Variants in NPRL3 observed in about 807,000 individuals in gnomAD.
NPRL3 encodes GATOR1 complex protein NPRL3.
NPRL3 carries 23 observed loss-of-function variants against 57.2 expected under a neutral mutation model. The ratio of observed to expected loss-of-function variants is 0.40; its 90% CI spans 0.29 to 0.57. The LOEUF is 0.57. NPRL3 is among the 20% of genes least tolerant of loss of function. The pLI is 0.42. For missense variants in NPRL3, 691 were observed against 767.1 expected (o/e 0.90, Z 1.17); for synonymous variants, 333 against 321.1 (o/e 1.04, Z -0.39).
chr16:130,973 A>T (rs1367544150), intron 2 of NPRL3, among the ~76,000 whole-genome samples: 1 of 152,238 alleles, frequency 6.6e-6, no homozygotes, highest in African/African-American at 2.4e-5. Flanking sequence ...TGCACACTAT[A>T]ATGAATGTAA....
At chr16:90,360 T>G (rs532931045) in intron 11 of NPRL3, 1 of 161,694 alleles carries the variant, frequency 6.2e-6, no homozygotes, top group Non-Finnish European at 1.3e-5. Context: ...TGTGGGCAGG[T>G]ACCCTGAGAG....
In NPRL3 at chr16:92,593, C is replaced by A; in HGVS notation, c.1161+3G>T. ...CTGGGCTCCTTGAGCTTCTGTGACT[C>A]ACCTCCTGCACAGCGGGGGCCAGGG... On this transcript the variant is annotated splice_donor_region_variant and intron_variant, in intron 11 of 13. Transcript: ENST00000611875. 6.2e-7 allele frequency: 1 copy of A among 1,612,830 alleles called. No homozygotes were observed. Among genetic ancestry groups the A allele is most frequent in the South Asian group, 1.1e-5 (1 of 90,822 alleles).
rs1043829839 is a variant in NPRL3 at position 130,402 on chromosome 16, G to C, written c.188+120C>G. ...CACTACCTGAGAGCACCCACTAAAC[G>C]GAAAAAAACAAACACCAGACTTCTC... is the stretch of plus-strand genomic sequence containing the variant. On this transcript the variant is annotated intron_variant, in intron 3 of 13. Transcript: ENST00000611875. 77 of 993,928 alleles carry C rather than the reference G, an allele frequency of 7.7e-5. No individual in the cohort carries two copies. In the African/African-American group the frequency reaches 1.1e-3, roughly 14 times the overall value. 61.6% of individuals were successfully genotyped at this position (993,928 alleles called of 1,614,324 possible).
intron 12 of NPRL3, 109 bp from the exon 13 acceptor site, chr16:88,999 G>T: frequency 1.0e-6 from 1 of 980,274 alleles, no homozygotes; most frequent in Non-Finnish European, 1.5e-6. Flanking sequence ...ACTCCTACAA[G>T]GGTTAGGGTA....
chr16:125,152 T>A (rs1360834186), intron 3 of NPRL3: 1 of 154,806 alleles, frequency 6.5e-6, no homozygotes, highest in Non-Finnish European at 1.5e-5. Context: ...TTTCCATGTA[T>A]TCTGGAAAGA....
intron 3 of NPRL3, among the ~76,000 whole-genome samples, chr16:119,593 G>A (rs748141374): frequency 2.0e-5 from 3 of 152,220 alleles, no homozygotes; most frequent in Non-Finnish European, 4.4e-5. Context: ...CTGCGGAGCT[G>A]CTCTTTAAAG....
intron 2 of NPRL3, among the ~76,000 whole-genome samples, chr16:137,297 A>C (rs1901142312): frequency 6.6e-6 from 1 of 152,232 alleles, no homozygotes; most frequent in African/African-American, 2.4e-5. Flanking sequence ...TGCCGTCCAC[A>C]GGGGAAGGCA....
At chr16:103,296 A>ATTTTTTCTTTTTTTTTTTTTTTT (rs1899381750) in intron 7 of NPRL3, among the ~76,000 whole-genome samples, 1 of 42,110 alleles carries the variant, frequency 2.4e-5, no homozygotes, top group South Asian at 1.2e-3. Context: ...GCCTGGGGTG[A>ATTTTTTCTTTTTTTTTTTTTTTT]TTTTTTTTTT....
At chr16:121,485 G>A (rs755794987) in intron 3 of NPRL3, among the ~76,000 whole-genome samples, 44 of 152,086 alleles carry the variant, frequency 2.9e-4, no homozygotes, top group Middle Eastern at 3.4e-3. Context: ...TTAGCCGGGC[G>A]CAGTGAAGCC....
chr16:117,510 C>A, intron 4 of NPRL3, 135 bp from the exon 5 acceptor site: 1 of 632,506 alleles, frequency 1.6e-6, no homozygotes, highest in Admixed American at 2.9e-5. Context: ...AATGCCTTTG[C>A]TCTGGAGGCG....
At chr16:103,457 T>G (rs1899398261) in intron 7 of NPRL3, among the ~76,000 whole-genome samples, 1 of 151,912 alleles carries the variant, frequency 6.6e-6, no homozygotes, top group Non-Finnish European at 1.5e-5. Flanking sequence ...TTTCTGTTTC[T>G]GTCCTATTTA....
At chr16:98,735 C>T (rs903091984) in intron 8 of NPRL3, among the ~76,000 whole-genome samples, 2 of 152,316 alleles carry the variant, frequency 1.3e-5, no homozygotes, top group South Asian at 2.1e-4. Flanking sequence ...GTCAGGAGTT[C>T]GAGGCCAGCC....
At chr16:86,985 T>G in intron 13 of NPRL3, 115 bp from the exon 14 acceptor site, 8 of 1,118,762 alleles carry the variant, frequency 7.2e-6, no homozygotes, top group Non-Finnish European at 1.0e-5. Context: ...ACAGAGCTGG[T>G]GGTGAAGGCC....
At chr16:125,370 G>A (rs1900471597) in intron 3 of NPRL3, among the ~76,000 whole-genome samples, 1 of 152,182 alleles carries the variant, frequency 6.6e-6, no homozygotes, top group South Asian at 2.1e-4. Flanking sequence ...CCTACAACTA[G>A]ACAAGTCACA....
chr16:87,133 A>T (rs1223430286), intron 13 of NPRL3, among the ~76,000 whole-genome samples: 4 of 152,212 alleles, frequency 2.6e-5, no homozygotes, highest in Non-Finnish European at 5.9e-5. Flanking sequence ...GAGGTGCCCA[A>T]GCCTGCGTCC....
In NPRL3 at chr16:137,090, A is replaced by T. The variant is rs1901129604; in HGVS notation, c.118+1060T>A. Among the ~76,000 whole-genome samples the T allele has an allele frequency of 1.4e-5, 2 of 146,488 alleles. 1 individual carries two copies. Among genetic ancestry groups the T allele is most frequent in the African/African-American group, 5.0e-5 (2 of 39,758 alleles). Reference sequence around the variant, plus strand: ...AAAAAAATTGCAGGGTGTGGTGCACATGCCCTGTAGCCCCAGCTACTTGGG... The same window carrying T: ...AAAAAAATTGCAGGGTGTGGTGCACTTGCCCTGTAGCCCCAGCTACTTGGG... On this transcript the variant is annotated intron_variant, in intron 2 of 13. Coordinates refer to ENST00000611875, the MANE Select transcript of NPRL3 (RefSeq NM_001077350.3).
intron 3 of NPRL3, among the ~76,000 whole-genome samples, chr16:126,643 A>C (rs1367632166): frequency 2.0e-5 from 3 of 152,046 alleles, no homozygotes; most frequent in Non-Finnish European, 4.4e-5. Context: ...ACACCAGGCT[A>C]TCTCTCAGAC....
chr16:110,435 C>A (rs1188850922), intron 7 of NPRL3, 90 bp downstream of exon 7: 8 of 1,001,644 alleles, frequency 8.0e-6, no homozygotes, highest in Admixed American at 2.0e-5. Context: ...GTGGTCAGTA[C>A]CGGGGAGCCC....
At position 93,309 on chromosome 16, in the gene NPRL3, G is replaced by A; in HGVS notation, c.941C>T (p.Ala314Val). The change falls in exon 10 of 14, where the codon GCT becomes GTT. Residue 314 changes from alanine (A) to valine (V), a missense_variant. Ala to Val is a moderately conservative substitution (Grantham distance 64, BLOSUM62 0). Transcript: ENST00000611875. ...LALLQVFQLA[A>V]HLVYWGKAII... ...GGCCTTGCCCCAGTACACCAGATGA[G>A]CTGCAAGCTGGAAAACCTGCAGGCA... is the stretch of plus-strand genomic sequence containing the variant. The A allele has an allele frequency of 6.4e-7, 1 of 1,556,420 alleles. No homozygotes were observed. The highest frequency in any genetic ancestry group is 8.7e-7 in the Non-Finnish European group (1 of 1,149,654).
Sources: allele counts gnomAD v4.1 joint callset (sites outside exome capture counted in the v4.1 genomes callset), GRCh38; gene constraint gnomAD v4.1.1; transcripts MANE v1.5; gene names NCBI Gene and HGNC (gene_info 2026-07-23, HGNC 2026-07-21).